UBXN11: variants seen among roughly 807,000 people sequenced by gnomAD.
UBXN11 encodes UBX domain protein 11.
In UBXN11, 47 loss-of-function variants were observed where a neutral mutation model predicts 62.8. That is an observed-to-expected ratio of 0.75 (90% CI 0.59 to 0.95). The LOEUF (loss-of-function observed/expected upper bound fraction) is 0.95. Ranked by LOEUF, UBXN11 falls within the 40% of genes least tolerant of loss-of-function variation. UBXN11 has a pLI of 0.00. For missense variants in UBXN11, 638 were observed against 661.7 expected, an observed-to-expected ratio of 0.96 and a Z score of 0.39; for synonymous variants, 294 against 267.0, an observed-to-expected ratio of 1.10 and a Z score of -0.99.
At chr1:26,300,705 CCTGGGGCTGGGG>C (rs202072779) in intron 4 of UBXN11, among the ~76,000 whole-genome samples, 1 of 152,160 alleles carries the variant, frequency 6.6e-6, no homozygotes, top group Non-Finnish European at 1.5e-5. Flanking sequence ...CACAGCCTGG[CCTGGGGCTGGGG>C]CTGGGGCTGG....
At chr1:26,283,957 T>G (rs568077336) in intron 12 of UBXN11, among the ~76,000 whole-genome samples, 185 bp downstream of exon 12, 1 of 152,304 alleles carries the variant, frequency 6.6e-6, no homozygotes, top group South Asian at 2.1e-4. Context: ...CCACCTGCTT[T>G]CCGGGGCCCA....
chr1:26,308,592 T>C (rs2073707395), upstream of UBXN11, among the ~76,000 whole-genome samples: 1 of 152,192 alleles, frequency 6.6e-6, no homozygotes, highest in African/African-American at 2.4e-5. Context: ...TTTAGGTATA[T>C]GAAGATGAGA....
intron 1 of UBXN11, among the ~76,000 whole-genome samples, chr1:26,312,601 G>A (rs1266823023): frequency 1.3e-5 from 2 of 151,956 alleles, no homozygotes; most frequent in Non-Finnish European, 2.9e-5. Flanking sequence ...GGGTCTCCCT[G>A]CTGGACTATA....
At chr1:26,305,595 C>G (rs1345775443) in intron 1 of UBXN11, among the ~76,000 whole-genome samples, 1 of 151,724 alleles carries the variant, frequency 6.6e-6, no homozygotes, top group Non-Finnish European at 1.5e-5. Context: ...GGAATATATA[C>G]TAAAATATAC....
At chr1:26,314,369 A>C (rs1488639009) in intron 1 of UBXN11, among the ~76,000 whole-genome samples, 1 of 152,146 alleles carries the variant, frequency 6.6e-6, no homozygotes, top group African/African-American at 2.4e-5. Context: ...ATCTAGAACT[A>C]TAGTTTTTCT....
At chr1:26,297,593 G>T in intron 5 of UBXN11, 112 bp from the exon 6 acceptor site, 1 of 1,296,612 alleles carries the variant, frequency 7.7e-7, no homozygotes, top group Non-Finnish European at 1.0e-6. Context: ...GCAAGCCCCT[G>T]CCACCCTTTG....
chr1:26,285,788 C>A (rs2124635571), intron 9 of UBXN11, 35 bp downstream of exon 9: 3 of 1,563,340 alleles, frequency 1.9e-6, no homozygotes, highest in East Asian at 4.6e-5. Context: ...GCAGCAGGGG[C>A]ACTAGAGCAC....
intron 3 of UBXN11, 92 bp from the exon 4 acceptor site, chr1:26,301,116 C>T (rs570703772): frequency 2.8e-5 from 45 of 1,596,560 alleles, no homozygotes; most frequent in Middle Eastern, 1.7e-4. Context: ...GCGGCCTATG[C>T]ACTGTGCCCC....
At chr1:26,286,753 G>A (rs1352620514) in intron 8 of UBXN11, among the ~76,000 whole-genome samples, 1 of 152,140 alleles carries the variant, frequency 6.6e-6, no homozygotes, top group Admixed American at 6.5e-5. Context: ...AGGCTGGAGT[G>A]CAATGGTACA....
At chr1:26,310,271 C>T (rs1370861267), upstream of UBXN11, among the ~76,000 whole-genome samples, 1 of 151,980 alleles carries the variant, frequency 6.6e-6, no homozygotes, top group African/African-American at 2.4e-5. Flanking sequence ...GGAGCAGTGG[C>T]TCATGCCTGT....
upstream of UBXN11, among the ~76,000 whole-genome samples, chr1:26,309,082 G>GCCA (rs1557693229): frequency 6.6e-6 from 1 of 150,798 alleles, no homozygotes; most frequent in African/African-American, 2.4e-5. Flanking sequence ...ACAGGCACAC[G>GCCA]CCACCATGCC....
intron 1 of UBXN11, among the ~76,000 whole-genome samples, chr1:26,304,007 T>A (rs1474448950): frequency 6.6e-6 from 1 of 152,152 alleles, no homozygotes; most frequent in Non-Finnish European, 1.5e-5. Context: ...TCCGCCCCCC[T>A]CGACCTCCCA....
chr1:26,304,533 A>G (rs2073615389), intron 1 of UBXN11, among the ~76,000 whole-genome samples: 1 of 152,096 alleles, frequency 6.6e-6, no homozygotes, highest in East Asian at 1.9e-4. Context: ...AGGGTGGATC[A>G]CCTAAGGTCA....
chr1:26,299,338 CCT>C, intron 4 of UBXN11, among the ~76,000 whole-genome samples: 1 of 151,958 alleles, frequency 6.6e-6, no homozygotes, highest in East Asian at 1.9e-4. Flanking sequence ...ATAGAGAAAC[CCT>C]GTCTCTACTA....
At chr1:26,287,382 CAACAG>C (rs1216266716) in intron 8 of UBXN11, among the ~76,000 whole-genome samples, 2 of 152,040 alleles carry the variant, frequency 1.3e-5, no homozygotes, top group African/African-American at 4.8e-5. Context: ...CCGTGACAGA[CAACAG>C]AGCAGAAAGG....
upstream of UBXN11, chr1:26,306,833 G>GGGGGGGGGGGGGGGGGGGGT (rs1553165087): frequency 1.2e-4 from 4 of 32,064 alleles, 1 homozygote; most frequent in Non-Finnish European, 5.0e-4. Flanking sequence ...GCGGGGTGGG[G>GGGGGGGGGGGGGGGGGGGGT]GGGGGGGGTG....
At chr1:26,309,485 G>T (rs1031352989), upstream of UBXN11, among the ~76,000 whole-genome samples, 1 of 147,418 alleles carries the variant, frequency 6.8e-6, no homozygotes, top group African/African-American at 2.5e-5. Flanking sequence ...TGATCTACCC[G>T]CCTCAGCCTC....
chr1:26,297,150 C>T (rs12129482), intron 6 of UBXN11, among the ~76,000 whole-genome samples, 155 bp from the exon 7 acceptor site: 28,413 of 152,084 alleles, frequency 0.19, 2,882 homozygotes, highest in African/African-American at 0.25. Context: ...GACCCCGTGG[C>T]GGTGCCTTGA....
At chr1:26,297,266 G>A (rs1461846115) in intron 6 of UBXN11, among the ~76,000 whole-genome samples, 161 bp downstream of exon 6, 1 of 152,166 alleles carries the variant, frequency 6.6e-6, no homozygotes, top group Non-Finnish European at 1.5e-5. Flanking sequence ...GCACTGTCCT[G>A]GATATGCTGC....
Sources: gnomAD v4.1 joint callset for allele counts (sites outside exome capture counted in the v4.1 genomes callset) on GRCh38, gnomAD v4.1.1 for gene constraint, MANE v1.5 for transcripts, NCBI Gene and HGNC (gene_info 2026-07-23, HGNC 2026-07-21) for gene names.